SCFD2: variants seen among roughly 807,000 people sequenced by gnomAD.
SCFD2 encodes the protein sec1 family domain-containing protein 2.
SCFD2 carries 54 observed loss-of-function variants against 58.9 expected under a neutral mutation model. The observed-to-expected ratio is 0.92, with a 90% CI of 0.74 to 1.15. SCFD2 has a LOEUF of 1.15. Ranked by LOEUF, SCFD2 falls within the 50% of genes most tolerant of loss-of-function variation. The pLI is 0.00. For synonymous variants in SCFD2, 321 were observed against 335.9 expected (o/e 0.96, Z 0.49); for missense variants, 805 against 836.6 (o/e 0.96, Z 0.47).
chr4:53,038,129 C>G (rs1722809418), intron 5 of SCFD2, among the ~76,000 whole-genome samples: 1 of 152,170 alleles, frequency 6.6e-6, no homozygotes, highest in Non-Finnish European at 1.5e-5. Context: ...CAAAGTGACT[C>G]TTGGAATACC....
chr4:53,141,362 G>A (rs986912775), intron 5 of SCFD2, among the ~76,000 whole-genome samples: 4 of 152,106 alleles, frequency 2.6e-5, no homozygotes, highest in Admixed American at 1.3e-4. Flanking sequence ...CCAGCTTTAC[G>A]TAACTGCAAT....
intron 4 of SCFD2, among the ~76,000 whole-genome samples, chr4:53,232,303 T>G (rs1031871718): frequency 9.2e-5 from 14 of 152,138 alleles, no homozygotes; most frequent in African/African-American, 3.1e-4. Context: ...AAAACTACAA[T>G]AAAGATTTTT....
In SCFD2 at chr4:52,972,922, G is replaced by T. The variant is rs183101117; in HGVS notation, c.1562-52052C>A. ...CAACCTGCTCCTGAATGACTACTGGGTACATAACAAAATGAAGGCAGAAAT... is the reference window on the plus strand; with the variant it reads ...CAACCTGCTCCTGAATGACTACTGGTTACATAACAAAATGAAGGCAGAAAT... On this transcript the variant is annotated intron_variant, in intron 5 of 8. Transcript: ENST00000401642. 8.5e-4 allele frequency among the ~76,000 whole-genome samples: 130 copies of T among 152,234 alleles called. 1 individual carries two copies. Among genetic ancestry groups the T allele is most frequent in the Non-Finnish European group, 1.3e-3 (91 of 68,024 alleles).
chr4:53,211,257 T>C (rs2412399), intron 4 of SCFD2, among the ~76,000 whole-genome samples: 145,135 of 150,010 alleles, frequency 0.97, 70,433 homozygotes, highest in East Asian at 1. Context: ...AAAAAAAAAA[T>C]CCAAGAGAAC....
Position 53,075,998 on chromosome 4 carries a change from T to A in SCFD2, c.1561+69335A>T, listed in dbSNP as rs189039601. On this transcript the variant is annotated intron_variant, in intron 5 of 8. Coordinates refer to ENST00000401642, the MANE Select transcript of SCFD2 (RefSeq NM_152540.4). ...AAAATGCAATATGTGCACAGTGCAA[T>A]AAAGTGAAGCTCCATAAAACAAAGT... Among the ~76,000 whole-genome samples, 1,187 of 152,228 alleles carry A rather than the reference T, an allele frequency of 7.8e-3. 12 individuals carry two copies. The highest frequency in any genetic ancestry group is 0.017 in the Middle Eastern group (5 of 294).
At chr4:53,083,682 G>A (rs1724216863) in intron 5 of SCFD2, among the ~76,000 whole-genome samples, 1 of 152,186 alleles carries the variant, frequency 6.6e-6, no homozygotes, top group South Asian at 2.1e-4. Flanking sequence ...GAGAAATAAA[G>A]AGAGACAGTA....
At chr4:53,363,444 G>A (rs565692612) in intron 1 of SCFD2, among the ~76,000 whole-genome samples, 3 of 151,928 alleles carry the variant, frequency 2.0e-5, no homozygotes, top group Non-Finnish European at 2.9e-5. Context: ...CCACTGTGCC[G>A]GGCTCTAAAT....
At chr4:53,124,967 A>T (rs1346208123) in intron 5 of SCFD2, among the ~76,000 whole-genome samples, 1 of 152,218 alleles carries the variant, frequency 6.6e-6, no homozygotes, top group Non-Finnish European at 1.5e-5. Context: ...TTAGACATGG[A>T]GTAACGGAGG....
intron 5 of SCFD2, among the ~76,000 whole-genome samples, chr4:52,938,976 C>T (rs572635403): frequency 6.6e-6 from 1 of 152,186 alleles, no homozygotes; most frequent in African/African-American, 2.4e-5. Context: ...CCTTTAAAAG[C>T]CAGTGTCTAA....
chr4:53,199,497 T>C (rs1728161283), intron 4 of SCFD2, among the ~76,000 whole-genome samples: 1 of 152,148 alleles, frequency 6.6e-6, no homozygotes, highest in African/African-American at 2.4e-5. Flanking sequence ...TGTTTATTCA[T>C]AACTAGCTCT....
chr4:53,004,441 T>C (rs1461686153), intron 5 of SCFD2, among the ~76,000 whole-genome samples: 1 of 152,210 alleles, frequency 6.6e-6, no homozygotes, highest in Non-Finnish European at 1.5e-5. Flanking sequence ...ATAAGTCCCA[T>C]AGCTAACATT....
At chr4:52,924,634 T>C (rs1323823298) in intron 5 of SCFD2, among the ~76,000 whole-genome samples, 1 of 152,194 alleles carries the variant, frequency 6.6e-6, no homozygotes, top group African/African-American at 2.4e-5. Flanking sequence ...GATTCATTTT[T>C]ATCAGTCTTT....
At chr4:53,040,553 A>G (rs1360096290) in intron 5 of SCFD2, among the ~76,000 whole-genome samples, 1 of 152,162 alleles carries the variant, frequency 6.6e-6, no homozygotes, top group African/African-American at 2.4e-5. Flanking sequence ...TAAAATGGAA[A>G]GTACCTAGCC....
chr4:53,346,267 C>CTT (rs1333991064), intron 2 of SCFD2, among the ~76,000 whole-genome samples: 1 of 135,460 alleles, frequency 7.4e-6, no homozygotes, highest in Admixed American at 7.4e-5. Flanking sequence ...GGCCTCAAAT[C>CTT]TTTTTTTTTC....
chr4:53,195,306 T>C (rs2148961653), intron 4 of SCFD2, among the ~76,000 whole-genome samples: 1 of 152,318 alleles, frequency 6.6e-6, no homozygotes, highest in Non-Finnish European at 1.5e-5. Flanking sequence ...ATGTTATCGG[T>C]CAGAGACAAC....
intron 8 of SCFD2, among the ~76,000 whole-genome samples, chr4:52,880,271 A>G (rs1368179328): frequency 6.6e-6 from 1 of 151,748 alleles, no homozygotes; most frequent in African/African-American, 2.4e-5. Context: ...GAACCTCTTA[A>G]GTTGTGTGCA....
chr4:53,277,028 TATTAC>T (rs1269726331), intron 3 of SCFD2, among the ~76,000 whole-genome samples: 1 of 152,190 alleles, frequency 6.6e-6, no homozygotes, highest in African/African-American at 2.4e-5. Flanking sequence ...TTTGTTTTCT[TATTAC>T]TGAGTTGTGA....
At chr4:53,151,926 T>C (rs566647549) in intron 4 of SCFD2, among the ~76,000 whole-genome samples, 1 of 151,902 alleles carries the variant, frequency 6.6e-6, no homozygotes, top group African/African-American at 2.4e-5. Flanking sequence ...AGTGGGGAGG[T>C]ACCACACTCT....
At chr4:53,133,452 A>C (rs1725851797) in intron 5 of SCFD2, among the ~76,000 whole-genome samples, 1 of 152,202 alleles carries the variant, frequency 6.6e-6, no homozygotes, top group Admixed American at 6.5e-5. Context: ...TGTTTGAAAG[A>C]CATAACTTCT....
Sources: gnomAD v4.1 joint callset for allele counts (sites outside exome capture counted in the v4.1 genomes callset) on GRCh38, gnomAD v4.1.1 for gene constraint, MANE v1.5 for transcripts, NCBI Gene and HGNC (gene_info 2026-07-23, HGNC 2026-07-21) for gene names.